DTX4: variants seen among roughly 807,000 people sequenced by gnomAD.
DTX4 encodes E3 ubiquitin-protein ligase DTX4.
DTX4 carries 28 observed loss-of-function variants against 57.6 expected under a neutral mutation model. The ratio of observed to expected loss-of-function variants is 0.49; its 90% CI spans 0.36 to 0.67. DTX4 has a LOEUF of 0.67. DTX4 is among the 30% of genes least tolerant of loss of function. The pLI is 0.00. For missense variants in DTX4, 715 were observed against 836.8 expected (o/e 0.85, Z 1.80); for synonymous variants, 316 against 331.0 (o/e 0.95, Z 0.49).
At chr11:59,177,471 G>T (rs1046155975) in intron 1 of DTX4, among the ~76,000 whole-genome samples, 1 of 152,126 alleles carries the variant, frequency 6.6e-6, no homozygotes, top group East Asian at 1.9e-4. Context: ...GGAACTAATG[G>T]ACAGAGTGGC....
chr11:59,189,440 G>T lies in DTX4; in HGVS notation c.1159+117G>T. ...CTTCACCCTCTGTGCCTCAATTTCT[G>T]CATCTGTAAGTGGGCCTAACCAGTA... On this transcript the variant is annotated intron_variant, in intron 4 of 8. Transcript: ENST00000227451. The T allele has an allele frequency of 4.8e-6, 5 of 1,035,976 alleles. No homozygotes were observed. In the South Asian group the frequency reaches 8.5e-5, roughly 18 times the overall value. 64.2% of individuals were successfully genotyped at this position (1,035,976 alleles called of 1,614,324 possible). A position where few individuals can be genotyped will look rare whatever the true frequency, so the allele number is the denominator to read the frequency against.
At chr11:59,192,434 T>C (rs1862611549) in intron 6 of DTX4, among the ~76,000 whole-genome samples, 184 bp downstream of exon 6, 1 of 152,180 alleles carries the variant, frequency 6.6e-6, no homozygotes, top group South Asian at 2.1e-4. Flanking sequence ...ACAGTGCTGG[T>C]AAGACCTGTC....
Position 59,199,782 on chromosome 11 carries a change from G to A in DTX4, c.1626+9G>A, listed in dbSNP as rs770816436. 3.4e-5 allele frequency: 53 copies of A among 1,555,272 alleles called. No individual in the cohort carries two copies. The highest frequency in any genetic ancestry group is 2.9e-4 in the African/African-American group (21 of 73,318). The stretch of plus-strand genomic sequence containing the variant: ...GCGAGAAAGGGAGAAAAGTAAGACC[G>A]GAAGTTTCCACATAGAACTAGGTTT... On this transcript the variant is annotated intron_variant, in intron 8 of 8. Coordinates refer to ENST00000227451, the MANE Select transcript of DTX4 (RefSeq NM_015177.2).
At chr11:59,194,082 C>A (rs910273138) in intron 6 of DTX4, among the ~76,000 whole-genome samples, 4 of 152,148 alleles carry the variant, frequency 2.6e-5, no homozygotes, top group African/African-American at 9.7e-5. Flanking sequence ...ACCCTGTACA[C>A]CCCTGCATCC....
chr11:59,196,786 G>T (rs1862677664), intron 7 of DTX4, among the ~76,000 whole-genome samples: 1 of 152,036 alleles, frequency 6.6e-6, no homozygotes, highest in Admixed American at 6.5e-5. Flanking sequence ...CTCCCATCAT[G>T]CCCAGATGAG....
chr11:59,193,352 T>G (rs1169393378), intron 6 of DTX4, among the ~76,000 whole-genome samples: 1 of 152,216 alleles, frequency 6.6e-6, no homozygotes, highest in Non-Finnish European at 1.5e-5. Flanking sequence ...AATTTTTTCC[T>G]TCATCTTCAT....
At chr11:59,172,873 T>G in intron 1 of DTX4, 67 bp downstream of exon 1, 1 of 1,336,460 alleles carries the variant, frequency 7.5e-7, no homozygotes, top group Admixed American at 2.4e-5. Context: ...GGTACCTCCC[T>G]CCCTGTGAAC....
Position 59,175,760 on chromosome 11 carries a change from C to G in DTX4, c.211+2954C>G, listed in dbSNP as rs114899994. Among the ~76,000 whole-genome samples the G allele has an allele frequency of 6.2e-3, 938 of 152,226 alleles. 9 individuals are homozygous for G. Among genetic ancestry groups the G allele is most frequent in the African/African-American group, 0.022 (906 of 41,518 alleles). ...CCCTGTACCTTTCAGCATGCCTGAC[C>G]CTACCAACTCCAGGTTTTCAGTAGC... On this transcript the variant is annotated intron_variant, in intron 1 of 8. Transcript: ENST00000227451.
At chr11:59,196,134 T>A (rs1375814207) in intron 7 of DTX4, among the ~76,000 whole-genome samples, 1 of 152,254 alleles carries the variant, frequency 6.6e-6, no homozygotes, top group African/African-American at 2.4e-5. Flanking sequence ...CCTCTTTTCC[T>A]CCCTCCTAGT....
At chr11:59,172,867 C>T in intron 1 of DTX4, 61 bp downstream of exon 1, 1 of 1,370,382 alleles carries the variant, frequency 7.3e-7, no homozygotes, top group Non-Finnish European at 9.8e-7. Context: ...TGCCAAGGTA[C>T]CTCCCTCCCT....
intron 1 of DTX4, 92 bp downstream of exon 1, chr11:59,172,898 T>C (rs1862346526): frequency 2.1e-6 from 2 of 970,162 alleles, no homozygotes; most frequent in East Asian, 6.1e-5. Flanking sequence ...CTTGGCCACC[T>C]AGTCGGCACT....
chr11:59,189,020 G>C lies in DTX4; in HGVS notation c.998-142G>C, dbSNP rs116279788. The C allele has an allele frequency of 1.0e-3, 1,115 of 1,073,182 alleles. 14 individuals are homozygous for C. In the African/African-American group the frequency reaches 0.016, roughly 16 times the overall value. The allele number at this position is 1,073,182 out of a possible 1,614,324, so 66.5% of individuals were successfully genotyped here. A position where few individuals can be genotyped will look rare whatever the true frequency, so the allele number is the denominator to read the frequency against. ...GTGAGTGAATGAATAAGTTTCTGGG[G>C]AAAGTACAGGGTAGAGAATCCAGGA... On this transcript the variant is annotated intron_variant, in intron 3 of 8. Coordinates refer to ENST00000227451, the MANE Select transcript of DTX4 (RefSeq NM_015177.2).
Position 59,189,300 on chromosome 11 carries a change from C to T in DTX4, c.1136C>T (p.Thr379Ile), listed in dbSNP as rs1485857799. 3.8e-6 allele frequency: 6 copies of T among 1,559,156 alleles called. No homozygotes were observed. In the African/African-American group the frequency reaches 5.5e-5, roughly 14 times the overall value. Residue 379 changes from threonine to isoleucine, a missense_variant, in exon 4 of 9, where the codon ACC becomes ATC. By Grantham distance (89) the Thr-to-Ile change is moderately conservative (BLOSUM62 -1). Transcript: ENST00000227451. ...IPGVSNTSRKTTKKQAKKGKT... is the reference protein window; with the variant it reads ...IPGVSNTSRKITKKQAKKGKT... ...GGGGTTTCCAACACAAGCCGCAAGACCACCAAAAAACAAGCCAAGAAAGGT... is the reference window on the plus strand; with the variant it reads ...GGGGTTTCCAACACAAGCCGCAAGATCACCAAAAAACAAGCCAAGAAAGGT...
At chr11:59,186,467 G>A (rs1862529945) in intron 2 of DTX4, among the ~76,000 whole-genome samples, 2 of 152,188 alleles carry the variant, frequency 1.3e-5, no homozygotes, top group South Asian at 4.1e-4. Flanking sequence ...CCCCCTGCTG[G>A]GGAGCTGGGA....
chr11:59,198,283 C>T (rs766548294), intron 7 of DTX4, among the ~76,000 whole-genome samples: 5 of 152,116 alleles, frequency 3.3e-5, no homozygotes, highest in Admixed American at 2.0e-4. Context: ...AAGCGGCAGT[C>T]GAAGGCAGAT....
intron 1 of DTX4, 58 bp downstream of exon 1, chr11:59,172,864 G>A: frequency 6.5e-6 from 9 of 1,393,094 alleles, no homozygotes; most frequent in Non-Finnish European, 7.7e-6. Flanking sequence ...ACCTGCCAAG[G>A]TACCTCCCTC....
Position 59,202,270 on chromosome 11 carries a change from A to C in DTX4, c.1627-2406A>C, listed in dbSNP as rs1417371573. Among the ~76,000 whole-genome samples the C allele has an allele frequency of 2.0e-5, 3 of 152,198 alleles. No homozygotes were observed. The South Asian group carries it at 6.2e-4, about 31-fold the overall frequency. On this transcript the variant is annotated intron_variant, in intron 8 of 8. Coordinates refer to ENST00000227451, the MANE Select transcript of DTX4 (RefSeq NM_015177.2). ...TCCTTGTAGATTGAAGTATAATTAG[A>C]GGATGGGCTTTGAAGCCAGACCAGC... is the stretch of plus-strand genomic sequence containing the variant.
intron 8 of DTX4, 144 bp from the exon 9 acceptor site, chr11:59,204,532 A>C (rs1350803338): frequency 2.7e-6 from 2 of 751,270 alleles, no homozygotes; most frequent in African/African-American, 3.5e-5. Context: ...CTCCAAGTCC[A>C]AATCTCTTTC....
intron 2 of DTX4, among the ~76,000 whole-genome samples, chr11:59,187,840 C>T (rs919338612): frequency 1.3e-5 from 2 of 152,240 alleles, no homozygotes; most frequent in South Asian, 2.1e-4. Context: ...GGGAGAAGGA[C>T]AGAAAGGGGA....
Sources: allele counts gnomAD v4.1 joint callset (sites outside exome capture counted in the v4.1 genomes callset), GRCh38; gene constraint gnomAD v4.1.1; transcripts MANE v1.5; gene names NCBI Gene and HGNC (gene_info 2026-07-23, HGNC 2026-07-21).